RPGR: variants seen among roughly 807,000 people sequenced by gnomAD.
RPGR encodes the protein retinitis pigmentosa GTPase regulator.
A neutral mutation model predicts 56.3 loss-of-function variants in RPGR; 10 were observed. The observed-to-expected ratio is 0.18, with a 90% CI of 0.11 to 0.30. RPGR has a LOEUF of 0.30. Among genes scored for constraint, RPGR ranks in the 10% least tolerant of loss-of-function variants. RPGR has a pLI of 1.00. For synonymous variants in RPGR, 197 were observed against 212.9 expected, an observed-to-expected ratio of 0.93 and a Z score of 0.65; for missense variants, 538 against 590.9, an observed-to-expected ratio of 0.91 and a Z score of 0.93.
rs749640965 is a variant in RPGR at position 38,310,700 on chromosome X, A to T, written c.693T>A (p.Asn231Lys). 1.2e-5 allele frequency: 14 copies of T among 1,210,559 alleles called. No homozygotes were observed. Among genetic ancestry groups the T allele is most frequent in the Non-Finnish European group, 1.6e-5 (14 of 894,832 alleles). Residue 231 changes from asparagine (N) to lysine (K), a missense_variant, in exon 7 of 19, where the codon AAT (asparagine) becomes AAA (lysine). Asn to Lys is a moderately conservative substitution (Grantham distance 94). Transcript: ENST00000642395. ...CAGACACCAGCTGGGGTGTTCTGTG[A>T]TTGCCCAGGAGCTGATTGGGAAGAC...
Position 38,269,525 on chromosome X carries a change from T to C in RPGR, c.*101A>G. On this transcript the variant is annotated 3_prime_UTR_variant, in exon 19 of 19. Transcript: ENST00000642395. Reference sequence around the variant, plus strand: ...TGAATAAAACATATTAAGTCTTATATCTTTTAAAGACTACTATCAGAAACT... The same window carrying C: ...TGAATAAAACATATTAAGTCTTATACCTTTTAAAGACTACTATCAGAAACT... 3 of 574,961 alleles carry C rather than the reference T, an allele frequency of 5.2e-6. No individual in the cohort carries two copies. Among genetic ancestry groups the C allele is most frequent in the Non-Finnish European group, 8.4e-6 (3 of 355,193 alleles). 47.4% of individuals were successfully genotyped at this position (574,961 alleles called of 1,213,427 possible).
At chrX:38,312,885 G>A (rs760275609) in intron 6 of RPGR, among the ~76,000 whole-genome samples, 6 of 110,591 alleles carry the variant, frequency 5.4e-5, no homozygotes, top group Non-Finnish European at 1.1e-4. Flanking sequence ...CTAGGCTACA[G>A]TGAGCCGTGA....
At chrX:38,317,239 G>C in intron 6 of RPGR, 77 bp downstream of exon 6, 1 of 1,001,453 alleles carries the variant, frequency 1.0e-6, no homozygotes, top group East Asian at 3.1e-5. Flanking sequence ...TAGAACCAGA[G>C]ACTATATCAT....
At chrX:38,323,184 TTG>T (rs2067981337) in intron 2 of RPGR, among the ~76,000 whole-genome samples, 2 of 112,118 alleles carry the variant, frequency 1.8e-5, no homozygotes, top group Admixed American at 9.5e-5. Flanking sequence ...TCCAAGAAAG[TTG>T]TGTGTATAGA....
chrX:38,270,962 C>A lies in RPGR; in HGVS notation c.2242-1130G>T, dbSNP rs72619447. ...GAAAAATACATCAAGAAGGGAGTGG[C>A]CAACAGGGCATGTATGCAGAAGAGA... On this transcript the variant is annotated intron_variant, in intron 18 of 18. Transcript: ENST00000642395. Among the ~76,000 whole-genome samples, 314 of 111,420 alleles carry A rather than the reference C, an allele frequency of 2.8e-3. 13 individuals are homozygous for A. The East Asian group carries it at 0.075, about 27-fold the overall frequency.
At position 38,323,470 on chromosome X, in the gene RPGR, C is replaced by T; in HGVS notation, c.83G>A (p.Gly28Asp). 1 of 1,208,119 alleles carries T rather than the reference C, an allele frequency of 8.3e-7. No individual in the cohort carries two copies. The highest frequency in any genetic ancestry group is 1.1e-6 in the Non-Finnish European group (1 of 892,642). Residue 28 changes from glycine to aspartate, a missense_variant, in exon 2 of 19, where the codon GGT becomes GAT. Gly to Asp is a moderately conservative substitution (Grantham distance 94). Coordinates refer to ENST00000642395, the MANE Select transcript of RPGR (RefSeq NM_000328.3). ...GACATCATTTTTAAACCAGAATTTA[C>T]CGGGATTATTTTCAGCAAATTTACT... is the stretch of plus-strand genomic sequence containing the variant.
chrX:38,302,894 T>TCTGC (rs1366270427), intron 8 of RPGR, among the ~76,000 whole-genome samples: 1 of 101,844 alleles, frequency 9.8e-6, no homozygotes, highest in Non-Finnish European at 2.0e-5. Flanking sequence ...CACTGCAACC[T>TCTGC]CTGCCTCCCG....
At chrX:38,280,071 C>T (rs1292233840) in intron 15 of RPGR, among the ~76,000 whole-genome samples, 1 of 110,750 alleles carries the variant, frequency 9.0e-6, no homozygotes, top group Non-Finnish European at 1.9e-5. Flanking sequence ...GCATGGCACC[C>T]AGTGAATGTA....
chrX:38,274,907 A>G (rs1217685628), intron 17 of RPGR, among the ~76,000 whole-genome samples: 1 of 112,539 alleles, frequency 8.9e-6, no homozygotes, highest in Non-Finnish European at 1.9e-5. Flanking sequence ...GGTTATATAT[A>G]AGAACAGATA....
At chrX:38,284,683 T>A in intron 15 of RPGR, 1 of 720,230 alleles carries the variant, frequency 1.4e-6, no homozygotes, top group Non-Finnish European at 1.6e-6. Context: ...CCCTAAAACG[T>A]TTCTTACATG....
chrX:38,286,882 T>G, intron 15 of RPGR: 1 of 1,204,791 alleles, frequency 8.3e-7, no homozygotes, highest in Non-Finnish European at 1.1e-6. Context: ...CTCTTCCCCA[T>G]CCCTCTTCTT....
At position 38,299,528 on chromosome X, in the gene RPGR, T is replaced by C. The variant is rs956325763; in HGVS notation, c.1060-387A>G. ...GAAAAATTACTCAGAGAAGTTCTAC[T>C]AGAAGATTTTTTTTAAAGTATAAAT... On this transcript the variant is annotated intron_variant, in intron 9 of 18. Coordinates refer to ENST00000642395, the MANE Select transcript of RPGR (RefSeq NM_000328.3). 1.2e-4 allele frequency among the ~76,000 whole-genome samples: 14 copies of C among 112,103 alleles called. No individual in the cohort carries two copies. The South Asian group carries it at 1.8e-3, about 15-fold the overall frequency.
At chrX:38,279,284 A>G in intron 15 of RPGR, 1 of 319,965 alleles carries the variant, frequency 3.1e-6, no homozygotes. Flanking sequence ...GTAAACAGGT[A>G]GTCTGAAATG....
At chrX:38,303,785 GTTTT>G (rs772519927) in intron 8 of RPGR, 6 of 295,248 alleles carry the variant, frequency 2.0e-5, no homozygotes, top group Non-Finnish European at 2.9e-5. Context: ...ATGAGCAGTA[GTTTT>G]TTCAGGAGCT....
Position 38,291,378 on chromosome X carries a change from A to G in RPGR, c.1506+15T>C, listed in dbSNP as rs755670471. ...TTCAAACTCATATTTAGATAAATAG[A>G]TAGGAAATCATTACCATGTTTAAGA... On this transcript the variant is annotated intron_variant, in intron 12 of 18. Coordinates refer to ENST00000642395, the MANE Select transcript of RPGR (RefSeq NM_000328.3). 1.0e-6 allele frequency: 1 copy of G among 1,001,544 alleles called. No homozygotes were observed. Among genetic ancestry groups the G allele is most frequent in the Non-Finnish European group, 1.4e-6 (1 of 707,247 alleles). The allele number at this position is 1,001,544 out of a possible 1,213,427, so 82.5% of individuals were successfully genotyped here.
At chrX:38,270,660 T>C (rs1463497937) in intron 18 of RPGR, among the ~76,000 whole-genome samples, 1 of 105,834 alleles carries the variant, frequency 9.4e-6, no homozygotes. Flanking sequence ...TGCCAAATGA[T>C]GGCTGTGTGA....
At position 38,274,313 on chromosome X, in the gene RPGR, T is replaced by A. The variant is rs139696916; in HGVS notation, c.2149+776A>T. Among the ~76,000 whole-genome samples, 299 of 111,672 alleles carry A rather than the reference T, an allele frequency of 2.7e-3. 1 individual carries two copies. Among genetic ancestry groups the A allele is most frequent in the African/African-American group, 9.3e-3 (287 of 30,709 alleles). On this transcript the variant is annotated intron_variant, in intron 17 of 18. Coordinates refer to ENST00000642395, the MANE Select transcript of RPGR (RefSeq NM_000328.3). ...CTTGGGAAAGGACTTCTCTTCAGTA[T>A]CTACGGTAAGACACTCAGGTCTGAG...
chrX:38,325,173 CAAAA>C (rs1170174575), intron 1 of RPGR, among the ~76,000 whole-genome samples: 1 of 40,690 alleles, frequency 2.5e-5, no homozygotes. Flanking sequence ...GACTCCGTCT[CAAAA>C]AAAAAAAAAA....
At chrX:38,270,622 CCAA>C (rs1569226774) in intron 18 of RPGR, among the ~76,000 whole-genome samples, 3 of 93,467 alleles carry the variant, frequency 3.2e-5, no homozygotes, top group Non-Finnish European at 2.1e-5. Flanking sequence ...GACTCTGTCC[CCAA>C]AAAAAAAAAA....
Sources: allele counts gnomAD v4.1 joint callset (sites outside exome capture counted in the v4.1 genomes callset), GRCh38; gene constraint gnomAD v4.1.1; transcripts MANE v1.5; gene names NCBI Gene and HGNC (gene_info 2026-07-23, HGNC 2026-07-21).